Variants in TMEM132D observed in about 807,000 individuals in gnomAD.
TMEM132D encodes the protein mature OL transmembrane protein.
In TMEM132D, 21 loss-of-function variants were observed where a neutral mutation model predicts 62.3. That is an observed-to-expected ratio of 0.34 (90% CI 0.24 to 0.49). The LOEUF is 0.49. Among genes scored for constraint, TMEM132D ranks in the 20% least tolerant of loss-of-function variants. TMEM132D has a pLI of 0.99. For synonymous variants in TMEM132D, 621 were observed against 575.6 expected (o/e 1.08, Z -1.13); for missense variants, 1,346 against 1,402.8 (o/e 0.96, Z 0.65).
chr12:129,886,643 A>C (rs1321581638), intron 1 of TMEM132D, among the ~76,000 whole-genome samples: 4 of 152,190 alleles, frequency 2.6e-5, no homozygotes, highest in Non-Finnish European at 4.4e-5. Flanking sequence ...CGCCAGGGCC[A>C]GGGAGAACAC....
chr12:129,148,528 G>T (rs546578177), intron 5 of TMEM132D, among the ~76,000 whole-genome samples: 7 of 152,268 alleles, frequency 4.6e-5, no homozygotes, highest in Admixed American at 6.5e-5. Flanking sequence ...GCTGGGAAAG[G>T]TTAGGGACAG....
intron 1 of TMEM132D, among the ~76,000 whole-genome samples, chr12:129,705,788 C>T (rs975332635): frequency 1.3e-5 from 2 of 152,176 alleles, no homozygotes; most frequent in Admixed American, 6.5e-5. Flanking sequence ...CAAAACCCCA[C>T]ACATTGAAAA....
At chr12:129,376,534 G>A (rs577672302) in intron 3 of TMEM132D, among the ~76,000 whole-genome samples, 29 of 152,298 alleles carry the variant, frequency 1.9e-4, no homozygotes, top group Admixed American at 1.5e-3. Context: ...CACAATTCAA[G>A]ATGAGATTTG....
intron 3 of TMEM132D, among the ~76,000 whole-genome samples, chr12:129,384,608 T>G (rs1224900268): frequency 6.6e-6 from 1 of 152,034 alleles, no homozygotes; most frequent in Admixed American, 6.5e-5. Context: ...GGAGACCCAT[T>G]TCACTTCTTC....
At chr12:129,630,739 T>C (rs1328694443) in intron 2 of TMEM132D, among the ~76,000 whole-genome samples, 1 of 152,198 alleles carries the variant, frequency 6.6e-6, no homozygotes, top group East Asian at 1.9e-4. Flanking sequence ...GGGGTACATA[T>C]GCAGGTTTGT....
intron 3 of TMEM132D, among the ~76,000 whole-genome samples, chr12:129,351,875 C>T (rs971251027): frequency 1.3e-5 from 2 of 152,210 alleles, no homozygotes; most frequent in Non-Finnish European, 2.9e-5. Context: ...CATACCAGTG[C>T]TCTCTGACTG....
chr12:129,213,337 T>C (rs1879107899), intron 4 of TMEM132D, among the ~76,000 whole-genome samples: 1 of 151,724 alleles, frequency 6.6e-6, no homozygotes, highest in African/African-American at 2.4e-5. Flanking sequence ...TACAAACAAA[T>C]AGAAAAAAGT....
chr12:129,331,523 C>T (rs572990375), intron 4 of TMEM132D, among the ~76,000 whole-genome samples: 65 of 152,320 alleles, frequency 4.3e-4, no homozygotes, highest in African/African-American at 1.5e-3. Context: ...AAATGAGAAG[C>T]TGGTCAAGAG....
chr12:129,547,194 T>G (rs2137102588), intron 2 of TMEM132D, among the ~76,000 whole-genome samples: 1 of 152,294 alleles, frequency 6.6e-6, no homozygotes, highest in African/African-American at 2.4e-5. Flanking sequence ...GCCTCCATGG[T>G]TACACAGCTC....
intron 1 of TMEM132D, among the ~76,000 whole-genome samples, chr12:129,831,394 C>T (rs1477838598): frequency 4.6e-5 from 7 of 152,258 alleles, no homozygotes; most frequent in Middle Eastern, 3.4e-3. Flanking sequence ...CATCACAAGG[C>T]GCAATGATAT....
At chr12:129,245,265 G>A (rs865809817) in intron 4 of TMEM132D, among the ~76,000 whole-genome samples, 2 of 152,018 alleles carry the variant, frequency 1.3e-5, no homozygotes, top group African/African-American at 4.8e-5. Context: ...TATCTCCACC[G>A]TTTTATCTTT....
chr12:129,879,832 C>T (rs559214348), intron 1 of TMEM132D, among the ~76,000 whole-genome samples: 83 of 152,076 alleles, frequency 5.5e-4, no homozygotes, highest in African/African-American at 1.9e-3. Context: ...AAAAAGAAGA[C>T]AACCAAGAAA....
At chr12:129,799,199 A>G (rs1264451644) in intron 1 of TMEM132D, among the ~76,000 whole-genome samples, 3 of 152,122 alleles carry the variant, frequency 2.0e-5, no homozygotes, top group Non-Finnish European at 4.4e-5. Context: ...TGGAGGGTGG[A>G]GGTTGCAGTG....
chr12:129,689,005 G>A (rs977236272), intron 2 of TMEM132D, among the ~76,000 whole-genome samples: 9 of 152,116 alleles, frequency 5.9e-5, no homozygotes, highest in African/African-American at 1.2e-4. Context: ...CGTCAAATGG[G>A]TGGTAGCAGT....
intron 2 of TMEM132D, among the ~76,000 whole-genome samples, chr12:129,535,625 A>G (rs769866655): frequency 6.6e-6 from 1 of 152,232 alleles, no homozygotes; most frequent in Non-Finnish European, 1.5e-5. Flanking sequence ...AGGCATATTC[A>G]TGTATGAAAT....
chr12:129,282,127 G>C (rs1301307439), intron 4 of TMEM132D, among the ~76,000 whole-genome samples: 2 of 152,154 alleles, frequency 1.3e-5, no homozygotes, highest in Non-Finnish European at 2.9e-5. Context: ...GATGAAGTCA[G>C]AGCTACAACA....
intron 1 of TMEM132D, among the ~76,000 whole-genome samples, chr12:129,770,895 G>T (rs558055108): frequency 2.6e-5 from 4 of 152,342 alleles, no homozygotes; most frequent in South Asian, 4.1e-4. Context: ...TACAGTAAAA[G>T]AAACTTTAAG....
chr12:129,321,045 TTC>T (rs1268802935), intron 4 of TMEM132D, among the ~76,000 whole-genome samples: 2 of 151,724 alleles, frequency 1.3e-5, no homozygotes, highest in African/African-American at 4.9e-5. Context: ...TATTATCTTT[TTC>T]TCTATCATCT....
intron 3 of TMEM132D, among the ~76,000 whole-genome samples, chr12:129,511,488 C>T (rs908526425): frequency 6.6e-6 from 1 of 152,176 alleles, no homozygotes; most frequent in Non-Finnish European, 1.5e-5. Flanking sequence ...AAGTATAAGG[C>T]TTTGTCAGTC....
Sources: allele counts gnomAD v4.1 joint callset (sites outside exome capture counted in the v4.1 genomes callset), GRCh38; gene constraint gnomAD v4.1.1; transcripts MANE v1.5; gene names NCBI Gene and HGNC (gene_info 2026-07-23, HGNC 2026-07-21).